The following EIF2AK3 variants were observed in gnomAD, a reference collection of about 807,000 sequenced individuals.
EIF2AK3 encodes eukaryotic translation initiation factor 2 alpha kinase 3.
In EIF2AK3, 50 loss-of-function variants were observed where a neutral mutation model predicts 113.5. The ratio of observed to expected loss-of-function variants is 0.44; its 90% CI spans 0.35 to 0.56. The LOEUF (loss-of-function observed/expected upper bound fraction) is 0.56, where lower values mean the gene tolerates loss of function less well. Ranked by LOEUF, EIF2AK3 falls within the 20% of genes least tolerant of loss-of-function variation. The probability of loss-of-function intolerance (pLI) is 0.00; values close to 1 mark genes in which losing one functional copy is unlikely to be tolerated. For synonymous variants in EIF2AK3, 448 were observed against 495.4 expected, an observed-to-expected ratio of 0.90 and a Z score of 1.27; for missense variants, 1,185 against 1,378.0, an observed-to-expected ratio of 0.86 and a Z score of 2.22.
At chr2:88,568,980 TC>T (rs909873465) in intron 14 of EIF2AK3, among the ~76,000 whole-genome samples, 21 of 152,078 alleles carry the variant, frequency 1.4e-4, no homozygotes, top group African/African-American at 4.8e-4. Flanking sequence ...AACCTCTGCC[TC>T]CTAAGTTCAA....
intron 2 of EIF2AK3, among the ~76,000 whole-genome samples, chr2:88,613,080 T>G (rs994170394): frequency 1.3e-5 from 2 of 152,214 alleles, no homozygotes; most frequent in African/African-American, 4.8e-5. Context: ...CCCCCATCTG[T>G]ACCCCATGCG....
rs559363228 is a variant in EIF2AK3 at position 88,568,908 on chromosome 2, C to T, written c.2985+1966G>A. 1.4e-3 allele frequency among the ~76,000 whole-genome samples: 213 copies of T among 151,034 alleles called. 1 individual carries two copies. Among genetic ancestry groups the T allele is most frequent in the African/African-American group, 5.0e-3 (206 of 41,228 alleles). On this transcript the variant is annotated intron_variant, in intron 14 of 16. Coordinates refer to ENST00000303236, the MANE Select transcript of EIF2AK3 (RefSeq NM_004836.7). ...GATACTTGACAGAGAGTTTTTTTTT[C>T]GAGATGGAGTCTTGCTCTGTCACCC...
chr2:88,597,481 A>C (rs1675046389), intron 2 of EIF2AK3, among the ~76,000 whole-genome samples: 1 of 152,184 alleles, frequency 6.6e-6, no homozygotes, highest in Non-Finnish European at 1.5e-5. Context: ...TTTAGAGGAC[A>C]TTCAAAGTCC....
chr2:88,602,612 C>T (rs1231930795), intron 2 of EIF2AK3, among the ~76,000 whole-genome samples: 2 of 152,112 alleles, frequency 1.3e-5, no homozygotes, highest in African/African-American at 2.4e-5. Context: ...TAGGATAATA[C>T]AATAACATTC....
intron 1 of EIF2AK3, 72 bp downstream of exon 1, chr2:88,626,895 C>A: frequency 6.4e-7 from 1 of 1,559,502 alleles, no homozygotes; most frequent in East Asian, 2.4e-5. Context: ...CGGATCTCCG[C>A]CCCCCTACAC....
At chr2:88,619,665 C>A (rs969559576) in intron 1 of EIF2AK3, among the ~76,000 whole-genome samples, 2 of 152,020 alleles carry the variant, frequency 1.3e-5, no homozygotes, top group Non-Finnish European at 2.9e-5. Flanking sequence ...TCTCTTAAAT[C>A]TTTTCTGGCT....
intron 1 of EIF2AK3, among the ~76,000 whole-genome samples, chr2:88,617,159 T>C (rs2103974291): frequency 6.6e-6 from 1 of 152,336 alleles, no homozygotes; most frequent in Non-Finnish European, 1.5e-5. Context: ...GTCCTCAGGC[T>C]GAATGCAGGG....
intron 4 of EIF2AK3, among the ~76,000 whole-genome samples, chr2:88,591,576 A>G (rs1452360382): frequency 1.3e-5 from 2 of 152,200 alleles, no homozygotes; most frequent in Non-Finnish European, 2.9e-5. Flanking sequence ...CCAATCTTGG[A>G]TCTCCACTGA....
intron 16 of EIF2AK3, 54 bp downstream of exon 16, chr2:88,558,863 G>A (rs907121032): frequency 1.5e-5 from 21 of 1,403,486 alleles, no homozygotes; most frequent in Middle Eastern, 1.8e-4. Context: ...GCTAAGGACC[G>A]CTTACGTTCT....
At position 88,601,290 on chromosome 2, in the gene EIF2AK3, TTATTTCCTA is replaced by T. The variant is rs1247335493; in HGVS notation, c.439-5636_439-5628del. Among the ~76,000 whole-genome samples the T allele has an allele frequency of 2.6e-4, 39 of 152,352 alleles. No homozygotes were observed. In the East Asian group the frequency reaches 6.9e-3, roughly 27 times the overall value. Reference sequence around the variant, plus strand: ...TCTACATGTCATTTAACTTGTTCCTTTATTTCCTATATTTCCTGAAAAGTATGATTAGAC... The same window carrying T: ...TCTACATGTCATTTAACTTGTTCCTTTATTTCCTGAAAAGTATGATTAGAC... On this transcript the variant is annotated intron_variant, in intron 2 of 16. Transcript: ENST00000303236.
At chr2:88,607,360 A>G (rs1675303347) in intron 2 of EIF2AK3, among the ~76,000 whole-genome samples, 1 of 152,250 alleles carries the variant, frequency 6.6e-6, no homozygotes, top group African/African-American at 2.4e-5. Flanking sequence ...CAAAATTCTT[A>G]GCTACTATTA....
chr2:88,576,414 G>C (rs1275588063), intron 12 of EIF2AK3, 140 bp downstream of exon 12: 12 of 1,251,966 alleles, frequency 9.6e-6, no homozygotes, highest in Non-Finnish European at 1.3e-5. Flanking sequence ...CAAGTGGCTA[G>C]AGAACTTTTC....
intron 6 of EIF2AK3, 148 bp downstream of exon 6, chr2:88,590,295 C>T (rs985047308): frequency 9.9e-6 from 8 of 807,016 alleles, no homozygotes; most frequent in African/African-American, 8.7e-5. Context: ...GAATGGAAAT[C>T]GAAGTATAAA....
intron 1 of EIF2AK3, among the ~76,000 whole-genome samples, chr2:88,616,934 C>T (rs1349767898): frequency 6.6e-6 from 1 of 152,166 alleles, no homozygotes; most frequent in African/African-American, 2.4e-5. Flanking sequence ...GACTCTCTTG[C>T]ATTACAAGCC....
At chr2:88,598,001 G>A (rs1209990392) in intron 2 of EIF2AK3, among the ~76,000 whole-genome samples, 2 of 152,096 alleles carry the variant, frequency 1.3e-5, no homozygotes, top group African/African-American at 4.8e-5. Flanking sequence ...TCCAGGGCTG[G>A]GGCAGTGTAG....
At chr2:88,560,904 A>T (rs916755802) in intron 15 of EIF2AK3, among the ~76,000 whole-genome samples, 5 of 152,316 alleles carry the variant, frequency 3.3e-5, no homozygotes, top group Admixed American at 2.6e-4. Flanking sequence ...AATAGTGACA[A>T]GAGCCTAAAC....
chr2:88,613,766 C>T lies in EIF2AK3; in HGVS notation c.396G>A (p.Val132=). The T allele has an allele frequency of 6.2e-7, 1 of 1,614,114 alleles. No individual in the cohort carries two copies. Among genetic ancestry groups the T allele is most frequent in the Non-Finnish European group, 8.5e-7 (1 of 1,179,968 alleles). ...TGGATGACACCAAGGAACCGGATCC[C>T]ACATCCAAATCCCACTGCTTTTTAC... ...NHGKKQWDLD[V]GSGSLVSSSL... is the part of the protein sequence containing the mutation. Residue 132 remains valine (V), a synonymous_variant, in exon 2 of 17, where the codon GTG becomes GTA. Transcript: ENST00000303236.
At chr2:88,574,558 CT>C (rs1310370936) in intron 13 of EIF2AK3, 107 bp downstream of exon 13, 10 of 1,366,004 alleles carry the variant, frequency 7.3e-6, no homozygotes, top group Non-Finnish European at 1.0e-5. Flanking sequence ...CTCTCAGATG[CT>C]TTTACTCTCC....
At chr2:88,571,732 T>G (rs1674315403) in intron 13 of EIF2AK3, among the ~76,000 whole-genome samples, 1 of 152,192 alleles carries the variant, frequency 6.6e-6, no homozygotes, top group South Asian at 2.1e-4. Flanking sequence ...TTGGTTTGCG[T>G]CTGAGGGGGA....
Sources: allele counts gnomAD v4.1 joint callset (sites outside exome capture counted in the v4.1 genomes callset), GRCh38; gene constraint gnomAD v4.1.1; transcripts MANE v1.5; gene names NCBI Gene and HGNC (gene_info 2026-07-23, HGNC 2026-07-21).